Variants in TTBK2 observed in about 807,000 individuals in gnomAD.
TTBK2 encodes tau-tubulin kinase 2.
Under a neutral mutation model 110.8 loss-of-function variants are expected in TTBK2, and 28 were observed. The observed-to-expected ratio is 0.25, with a 90% CI of 0.19 to 0.35. TTBK2 has a LOEUF of 0.35. Among genes scored for constraint, TTBK2 ranks in the 10% least tolerant of loss-of-function variants. TTBK2 has a pLI of 1.00. For synonymous variants in TTBK2, 532 were observed against 527.3 expected, an observed-to-expected ratio of 1.01 and a Z score of -0.12; for missense variants, 1,369 against 1,500.3, an observed-to-expected ratio of 0.91 and a Z score of 1.45.
intron 13 of TTBK2, among the ~76,000 whole-genome samples, chr15:42,763,174 A>ATATG (rs1833177327): frequency 6.3e-5 from 1 of 15,836 alleles, no homozygotes; most frequent in Non-Finnish European, 1.1e-4. Context: ...ATATATATAT[A>ATATG]TATATATATA....
chr15:42,813,824 C>A lies in TTBK2; in HGVS notation c.604-2044G>T, dbSNP rs143686983. Among the ~76,000 whole-genome samples the A allele has an allele frequency of 5.5e-3, 818 of 149,484 alleles. 9 individuals are homozygous for A. The highest frequency in any genetic ancestry group is 0.019 in the African/African-American group (788 of 40,652). The stretch of plus-strand genomic sequence containing the variant: ...TCACACCATTGCAGTCCAGCCTGGG[C>A]GAAGGAGGGCGAGAGAGCAGGACTC... On this transcript the variant is annotated intron_variant, in intron 7 of 14. Transcript: ENST00000267890.
intron 1 of TTBK2, among the ~76,000 whole-genome samples, chr15:42,894,279 G>GT (rs1895582333): frequency 6.6e-6 from 1 of 152,080 alleles, no homozygotes; most frequent in African/African-American, 2.4e-5. Context: ...CCAGTCTCAG[G>GT]TAAGTCTTTA....
chr15:42,775,259 G>A lies in TTBK2; in HGVS notation c.1874C>T (p.Pro625Leu). 6.2e-7 allele frequency: 1 copy of A among 1,614,182 alleles called. No individual in the cohort carries two copies. The highest frequency in any genetic ancestry group is 8.5e-7 in the Non-Finnish European group (1 of 1,180,032). ...GVVLALSAEG[P>L]PTAASEQYTD... Reference sequence around the variant, plus strand: ...ATATTGTTCTGAAGCAGCAGTAGGAGGACCCTCTGCAGAAAGTGCTAAGAC... The same window carrying A: ...ATATTGTTCTGAAGCAGCAGTAGGAAGACCCTCTGCAGAAAGTGCTAAGAC... Residue 625 changes from proline to leucine, a missense_variant, in exon 13 of 15, where the codon CCT becomes CTT. Physicochemically the swap from Pro to Leu is moderately conservative, Grantham distance 98. Coordinates refer to ENST00000267890, the MANE Select transcript of TTBK2 (RefSeq NM_173500.4).
chr15:42,857,621 C>T (rs1478332973), intron 3 of TTBK2: 1 of 152,150 alleles, frequency 6.6e-6, no homozygotes, highest in Admixed American at 6.5e-5. Flanking sequence ...AACTGGTCAC[C>T]TGAGGAAATT....
Position 42,883,847 on chromosome 15 carries a change from G to C in TTBK2, c.-67-5163C>G, listed in dbSNP as rs532654641. 9.2e-5 allele frequency among the ~76,000 whole-genome samples: 14 copies of C among 151,942 alleles called. 2 individuals carry two copies. The highest frequency in any genetic ancestry group is 3.4e-4 in the African/African-American group (14 of 41,478). The stretch of plus-strand genomic sequence containing the variant: ...AAACTCACTTCAAAAATAATATGTA[G>C]GTTAAAGTGAATATACTTAAATACC... On this transcript the variant is annotated intron_variant, in intron 1 of 14. Transcript: ENST00000267890.
At chr15:42,764,678 G>C (rs189190173) in intron 13 of TTBK2, among the ~76,000 whole-genome samples, 2 of 152,262 alleles carry the variant, frequency 1.3e-5, no homozygotes, top group African/African-American at 4.8e-5. Flanking sequence ...TCTGGGGGCA[G>C]AGCATAGCTG....
At chr15:42,796,830 T>C (rs1890966543) in intron 9 of TTBK2, among the ~76,000 whole-genome samples, 1 of 152,240 alleles carries the variant, frequency 6.6e-6, no homozygotes, top group Admixed American at 6.5e-5. Flanking sequence ...TAATAATATT[T>C]ACTGACTCAC....
At chr15:42,803,631 A>G (rs530248833) in intron 9 of TTBK2, among the ~76,000 whole-genome samples, 6 of 152,304 alleles carry the variant, frequency 3.9e-5, no homozygotes, top group South Asian at 4.1e-4. Flanking sequence ...CAAGGCCAAT[A>G]AAAAAGGTAA....
intron 13 of TTBK2, among the ~76,000 whole-genome samples, chr15:42,754,472 C>G (rs7169231): frequency 6.6e-6 from 1 of 151,216 alleles, no homozygotes; most frequent in Non-Finnish European, 1.5e-5. Flanking sequence ...CTTGGCTCAC[C>G]GCAACCTCCG....
At chr15:42,818,906 G>C (rs1892162227) in intron 6 of TTBK2, among the ~76,000 whole-genome samples, 1 of 142,660 alleles carries the variant, frequency 7.0e-6, no homozygotes, top group African/African-American at 2.5e-5. Flanking sequence ...CTGGGCGACA[G>C]AGCGAGACTC....
intron 7 of TTBK2, among the ~76,000 whole-genome samples, chr15:42,812,629 C>T (rs992816734): frequency 6.6e-6 from 1 of 151,822 alleles, no homozygotes; most frequent in Admixed American, 6.6e-5. Context: ...TATTAATAAG[C>T]TAATGTCAAA....
intron 3 of TTBK2, among the ~76,000 whole-genome samples, chr15:42,865,860 G>A (rs1389395877): frequency 1.3e-5 from 2 of 152,028 alleles, no homozygotes; most frequent in Non-Finnish European, 2.9e-5. Flanking sequence ...CAAGACAACA[G>A]ATAGAAAACA....
At chr15:42,816,195 C>T (rs533154649) in intron 7 of TTBK2, among the ~76,000 whole-genome samples, 5 of 143,792 alleles carry the variant, frequency 3.5e-5, no homozygotes, top group African/African-American at 1.3e-4. Flanking sequence ...CAGCTTACCA[C>T]AACCTTCGCC....
chr15:42,781,824 C>T (rs998454634), intron 11 of TTBK2, among the ~76,000 whole-genome samples: 3 of 151,964 alleles, frequency 2.0e-5, no homozygotes, highest in Non-Finnish European at 4.4e-5. Flanking sequence ...CCTAAGACAG[C>T]GGTTACCTCA....
intron 1 of TTBK2, among the ~76,000 whole-genome samples, chr15:42,891,105 C>T (rs1895437684): frequency 6.6e-6 from 1 of 151,192 alleles, no homozygotes; most frequent in South Asian, 2.1e-4. Flanking sequence ...AACTCCTGAC[C>T]TCAGGTGATC....
At chr15:42,810,776 C>A (rs1474964201) in intron 8 of TTBK2, 37 bp from the exon 9 acceptor site, 2 of 1,611,822 alleles carry the variant, frequency 1.2e-6, no homozygotes, top group East Asian at 2.2e-5. Flanking sequence ...CAGTCAATTT[C>A]TCTTGGTGGT....
At chr15:42,910,160 A>G (rs1441290881) in intron 1 of TTBK2, among the ~76,000 whole-genome samples, 1 of 152,224 alleles carries the variant, frequency 6.6e-6, no homozygotes, top group Non-Finnish European at 1.5e-5. Flanking sequence ...GAACAGTAAC[A>G]GATAATAGTT....
chr15:42,856,159 C>T (rs962623707), intron 3 of TTBK2, among the ~76,000 whole-genome samples: 7 of 151,896 alleles, frequency 4.6e-5, no homozygotes, highest in African/African-American at 1.7e-4. Flanking sequence ...TTAGGAAAAC[C>T]ACCATTTTGC....
chr15:42,802,449 G>C (rs1401023903), intron 9 of TTBK2: 1 of 687,880 alleles, frequency 1.5e-6, no homozygotes, highest in Non-Finnish European at 2.7e-6. Flanking sequence ...CCCAGAAGGA[G>C]TGGAGAAGCT....
Sources: gnomAD v4.1 joint callset for allele counts (sites outside exome capture counted in the v4.1 genomes callset) on GRCh38, gnomAD v4.1.1 for gene constraint, MANE v1.5 for transcripts, NCBI Gene and HGNC (gene_info 2026-07-23, HGNC 2026-07-21) for gene names.